Variants in SEMA3C observed in about 807,000 individuals in gnomAD.
SEMA3C encodes the protein semaphorin 3C.
A neutral mutation model predicts 89.4 loss-of-function variants in SEMA3C; 47 were observed. That is an observed-to-expected ratio of 0.53 (90% CI 0.42 to 0.67). The LOEUF (loss-of-function observed/expected upper bound fraction) is 0.67, where lower values mean the gene tolerates loss of function less well. SEMA3C is among the 30% of genes least tolerant of loss of function. The pLI is 0.00. For synonymous variants in SEMA3C, 310 were observed against 320.2 expected (o/e 0.97, Z 0.34); for missense variants, 839 against 929.1 (o/e 0.90, Z 1.26).
chr7:80,800,927 G>T, intron 9 of SEMA3C, 101 bp from the exon 10 acceptor site: 1 of 631,218 alleles, frequency 1.6e-6, no homozygotes, highest in Non-Finnish European at 2.7e-6. Flanking sequence ...AAAGTACTCT[G>T]CAAAAAGATA....
At position 80,745,041 on chromosome 7, in the gene SEMA3C, C is replaced by T; in HGVS notation, c.2109G>A (p.Gln703=). 11 of 1,614,102 alleles carry T rather than the reference C, an allele frequency of 6.8e-6. No individual in the cohort carries two copies. The highest frequency in any genetic ancestry group is 9.3e-6 in the Non-Finnish European group (11 of 1,179,994). The change falls in exon 18 of 18, where the codon CAG becomes CAA. Residue 703 remains glutamine (Q), a synonymous_variant. Coordinates refer to ENST00000265361, the MANE Select transcript of SEMA3C (RefSeq NM_006379.5). ...IMGAFSHSEM[Q]MINQYCKDTR... ...TGTCTTTGCAATATTGGTTAATCATCTGCATTTCTGAGTGGCTGAATGCCC... is the reference window on the plus strand; with the variant it reads ...TGTCTTTGCAATATTGGTTAATCATTTGCATTTCTGAGTGGCTGAATGCCC...
chr7:80,821,460 C>T (rs888507285), intron 4 of SEMA3C, among the ~76,000 whole-genome samples: 4 of 151,824 alleles, frequency 2.6e-5, no homozygotes, highest in Non-Finnish European at 4.4e-5. Flanking sequence ...CGCTCTGCTA[C>T]CCAGGCTGGA....
At chr7:80,833,523 T>C (rs886660) in intron 2 of SEMA3C, among the ~76,000 whole-genome samples, 140,680 of 152,152 alleles carry the variant, frequency 0.92, 65,063 homozygotes, top group East Asian at 1. Context: ...ATTCAAATAC[T>C]GCAGGGAGCA....
intron 2 of SEMA3C, among the ~76,000 whole-genome samples, chr7:80,911,840 A>G (rs1792158595): frequency 6.6e-6 from 1 of 152,016 alleles, no homozygotes; most frequent in Non-Finnish European, 1.5e-5. Flanking sequence ...TCACCACGAT[A>G]GCCAGCATGA....
At chr7:80,867,963 A>G in intron 2 of SEMA3C, among the ~76,000 whole-genome samples, 1 of 152,222 alleles carries the variant, frequency 6.6e-6, no homozygotes, top group East Asian at 1.9e-4. Flanking sequence ...ATTTTTAGCT[A>G]TTGTAGTATC....
chr7:80,906,814 C>T (rs1433931120), intron 2 of SEMA3C, among the ~76,000 whole-genome samples: 1 of 152,036 alleles, frequency 6.6e-6, no homozygotes, highest in African/African-American at 2.4e-5. Flanking sequence ...CAAGCATTTC[C>T]TTTCACCTAA....
chr7:80,811,722 C>T (rs1441692554), intron 5 of SEMA3C, among the ~76,000 whole-genome samples: 1 of 152,022 alleles, frequency 6.6e-6, no homozygotes, highest in Admixed American at 6.6e-5. Flanking sequence ...TTATCTTGAG[C>T]TTTAAGGAGA....
At chr7:80,856,959 G>C (rs1345652688) in intron 2 of SEMA3C, among the ~76,000 whole-genome samples, 2 of 152,086 alleles carry the variant, frequency 1.3e-5, no homozygotes, top group African/African-American at 4.8e-5. Flanking sequence ...TAACCTTGAA[G>C]TGAAAATCAA....
At chr7:80,821,765 A>C (rs1789754071) in intron 4 of SEMA3C, among the ~76,000 whole-genome samples, 1 of 152,088 alleles carries the variant, frequency 6.6e-6, no homozygotes, top group Admixed American at 6.6e-5. Flanking sequence ...ATTTATCAAT[A>C]CTCCATTTTA....
chr7:80,905,783 G>C, intron 2 of SEMA3C: 1 of 1,041,396 alleles, frequency 9.6e-7, no homozygotes, highest in Non-Finnish European at 1.3e-6. Context: ...GTATGCAGCA[G>C]GGTTTGCCTG....
chr7:80,848,223 A>G (rs1295758248), intron 2 of SEMA3C, among the ~76,000 whole-genome samples: 1 of 152,156 alleles, frequency 6.6e-6, no homozygotes, highest in Admixed American at 6.6e-5. Flanking sequence ...TAAAGAGAAA[A>G]CTATTCCAAG....
At chr7:80,911,454 C>T (rs1792146397) in intron 2 of SEMA3C, among the ~76,000 whole-genome samples, 1 of 152,100 alleles carries the variant, frequency 6.6e-6, no homozygotes, top group African/African-American at 2.4e-5. Flanking sequence ...GGCTAAGTAA[C>T]ATCGTTTTAT....
chr7:80,800,918 A>T (rs1213488947), intron 9 of SEMA3C, 92 bp from the exon 10 acceptor site: 1 of 709,002 alleles, frequency 1.4e-6, no homozygotes, highest in African/African-American at 1.9e-5. Context: ...CAACTCTGAA[A>T]AGTACTCTGC....
intron 12 of SEMA3C, among the ~76,000 whole-genome samples, chr7:80,766,962 C>T (rs560199132): frequency 6.6e-6 from 1 of 152,288 alleles, no homozygotes; most frequent in Admixed American, 6.5e-5. Context: ...CTGCGGACAG[C>T]TCACCCCAAG....
intron 2 of SEMA3C, among the ~76,000 whole-genome samples, chr7:80,874,685 C>A (rs1220942647): frequency 6.6e-6 from 1 of 151,988 alleles, no homozygotes; most frequent in African/African-American, 2.4e-5. Context: ...CCAGGCTGGT[C>A]TTGAACTCCT....
chr7:80,754,947 G>GTTTTTTTTTTT (rs1031680674), intron 15 of SEMA3C, among the ~76,000 whole-genome samples: 447 of 12,910 alleles, frequency 0.035, no homozygotes, highest in Non-Finnish European at 0.11. Flanking sequence ...CTGGCGAATT[G>GTTTTTTTTTTT]TTTTTTTTTG....
At chr7:80,863,056 G>T (rs1790809534) in intron 2 of SEMA3C, among the ~76,000 whole-genome samples, 1 of 151,884 alleles carries the variant, frequency 6.6e-6, no homozygotes, top group Admixed American at 6.6e-5. Flanking sequence ...AACCCAAAAA[G>T]CAAATTCAAT....
intron 2 of SEMA3C, among the ~76,000 whole-genome samples, chr7:80,875,964 T>C (rs1791192012): frequency 6.6e-6 from 1 of 152,076 alleles, no homozygotes; most frequent in Admixed American, 6.6e-5. Context: ...AATGTGCTAG[T>C]TTTGCTGTCA....
At chr7:80,778,401 CTATT>C (rs1788615979) in intron 12 of SEMA3C, among the ~76,000 whole-genome samples, 1 of 152,166 alleles carries the variant, frequency 6.6e-6, no homozygotes, top group African/African-American at 2.4e-5. Flanking sequence ...CTAATCTTCT[CTATT>C]TAATCCTTTA....
Sources: gnomAD v4.1 joint callset for allele counts (sites outside exome capture counted in the v4.1 genomes callset) on GRCh38, gnomAD v4.1.1 for gene constraint, MANE v1.5 for transcripts, NCBI Gene and HGNC (gene_info 2026-07-23, HGNC 2026-07-21) for gene names.